Variants in ANKRD26 observed in about 807,000 individuals in gnomAD.
The protein encoded by ANKRD26 is ankyrin repeat domain-containing protein 26.
A neutral mutation model predicts 208.7 loss-of-function variants in ANKRD26; 141 were observed. That is an observed-to-expected ratio of 0.68 (90% CI 0.59 to 0.78). ANKRD26 has a LOEUF of 0.78. Among genes scored for constraint, ANKRD26 ranks in the 30% least tolerant of loss-of-function variants. The probability of loss-of-function intolerance (pLI) is 0.00; values close to 1 mark genes in which losing one functional copy is unlikely to be tolerated. For synonymous variants in ANKRD26, 636 were observed against 660.4 expected, an observed-to-expected ratio of 0.96 and a Z score of 0.57; for missense variants, 1,889 against 1,938.7, an observed-to-expected ratio of 0.97 and a Z score of 0.48.
At chr10:27,085,150 G>T (rs1434880442) in intron 5 of ANKRD26, among the ~76,000 whole-genome samples, 1 of 151,666 alleles carries the variant, frequency 6.6e-6, no homozygotes, top group East Asian at 1.9e-4. Context: ...ACCCAGGCTG[G>T]AGTGCAGTGA....
chr10:27,024,126 C>A (rs934434089), intron 28 of ANKRD26, among the ~76,000 whole-genome samples: 1 of 152,008 alleles, frequency 6.6e-6, no homozygotes, highest in African/African-American at 2.4e-5. Context: ...GGGAAGGACA[C>A]TACCAAAGAG....
At chr10:26,959,808 C>T in the ANKRD26 span, among the ~76,000 whole-genome samples, 1 of 152,070 alleles carries the variant, frequency 6.6e-6, no homozygotes. Context: ...TTCCTCCTGA[C>T]AAACGTTTGT....
the ANKRD26 span, among the ~76,000 whole-genome samples, chr10:26,956,779 G>A: frequency 3.3e-5 from 5 of 152,122 alleles, no homozygotes; most frequent in Non-Finnish European, 5.9e-5. Flanking sequence ...GAGGCCACCA[G>A]GTAAGAGTAG....
At chr10:27,075,838 C>A (rs7911764) in intron 9 of ANKRD26, among the ~76,000 whole-genome samples, 13,747 of 152,132 alleles carry the variant, frequency 0.09, 2,008 homozygotes, top group African/African-American at 0.31. Context: ...CCAAGATAGA[C>A]CATATGATAG....
Position 27,017,709 on chromosome 10 carries a change from C to T in ANKRD26, c.4299G>A (p.Glu1433=), listed in dbSNP as rs201705027. The change falls in exon 30 of 34, where the codon GAG becomes GAA. Residue 1433 remains glutamate (E), a synonymous_variant. Coordinates refer to ENST00000376087, the MANE Select transcript of ANKRD26 (RefSeq NM_014915.3). The part of the protein sequence containing the change: ...LDTKNQILQE[E]LLSMKTVQKK... The stretch of plus-strand genomic sequence containing the variant: ...TTTGTACTGTTTTCATAGATAACAA[C>T]TCCTCTTGAAGAATTTGGTTCTTTG... 3.4e-5 allele frequency: 55 copies of T among 1,613,096 alleles called. No homozygotes were observed. The African/African-American group carries it at 6.8e-4, about 20-fold the overall frequency.
chr10:27,083,063 T>C (rs934224114), intron 5 of ANKRD26, among the ~76,000 whole-genome samples: 2 of 152,112 alleles, frequency 1.3e-5, no homozygotes, highest in East Asian at 1.9e-4. Flanking sequence ...AATTTCCTAC[T>C]CCTCATGTCC....
downstream of ANKRD26, chr10:27,004,026 C>T (rs2052788567): frequency 6.6e-6 from 1 of 151,942 alleles, no homozygotes; most frequent in South Asian, 2.1e-4. Context: ...CTGATTTTGA[C>T]CATTATACTA....
chr10:27,082,679 C>T (rs1459017740), intron 6 of ANKRD26, 124 bp downstream of exon 6: 1 of 1,374,308 alleles, frequency 7.3e-7, no homozygotes, highest in African/African-American at 1.5e-5. Flanking sequence ...AGATACTTTG[C>T]AAAGCTGTTG....
chr10:26,986,417 A>T (rs964241845), intron 3 of ANKRD26, among the ~76,000 whole-genome samples: 11 of 152,254 alleles, frequency 7.2e-5, no homozygotes, highest in African/African-American at 2.6e-4. Flanking sequence ...ACAAAAGACA[A>T]AATTGACAAA....
At chr10:26,952,235 ATGTTTCCC>A in the ANKRD26 span, among the ~76,000 whole-genome samples, 4 of 151,960 alleles carry the variant, frequency 2.6e-5, no homozygotes, top group African/African-American at 9.7e-5. Context: ...ACTGACCTTG[ATGTTTCCC>A]TGTCCTTCTG....
At chr10:26,996,764 A>G (rs1049417015) in intron 4 of ANKRD26, among the ~76,000 whole-genome samples, 2 of 152,214 alleles carry the variant, frequency 1.3e-5, no homozygotes, top group Admixed American at 6.5e-5. Context: ...GACTGTGACC[A>G]TAAGTGGGAG....
intron 31 of ANKRD26, 22 bp downstream of exon 31, chr10:27,014,472 A>G (rs2053223272): frequency 6.7e-7 from 1 of 1,491,240 alleles, no homozygotes; most frequent in Non-Finnish European, 9.3e-7. Context: ...TTTATTTCCT[A>G]TGATTCTATA....
chr10:27,008,451 T>A (rs2134831742), intron 32 of ANKRD26, among the ~76,000 whole-genome samples: 1 of 152,306 alleles, frequency 6.6e-6, no homozygotes, highest in East Asian at 1.9e-4. Context: ...ATATTGCTAT[T>A]CATTAATAAA....
intron 7 of ANKRD26, 98 bp downstream of exon 7, chr10:27,078,991 G>A: frequency 9.8e-6 from 9 of 915,092 alleles, no homozygotes; most frequent in South Asian, 3.2e-5. Flanking sequence ...ATTACAAACA[G>A]AAAACAATGA....
Position 27,046,117 on chromosome 10 carries a change from C to T in ANKRD26, c.1985+236G>A, listed in dbSNP as rs11015479. ...TCAGTTACCACCCATTTACCTATTG[C>T]CTCTCAGTCCAAGTTCTCTCAAACG... On this transcript the variant is annotated intron_variant, in intron 18 of 33. Transcript: ENST00000376087. 0.034 allele frequency: 16,164 copies of T among 471,608 alleles called. 512 individuals are homozygous for T. Among genetic ancestry groups the T allele is most frequent in the East Asian group, 0.1 (2,747 of 27,402 alleles). 29.2% of individuals were successfully genotyped at this position (471,608 alleles called of 1,614,324 possible).
intron 15 of ANKRD26, among the ~76,000 whole-genome samples, chr10:27,056,937 A>G (rs1291736323): frequency 1.3e-5 from 2 of 152,182 alleles, no homozygotes; most frequent in Non-Finnish European, 2.9e-5. Flanking sequence ...ATTCTCTAAT[A>G]GAAACTAAGC....
At chr10:27,091,332 C>T (rs6482595) in intron 4 of ANKRD26, among the ~76,000 whole-genome samples, 111,515 of 152,078 alleles carry the variant, frequency 0.73, 42,582 homozygotes, top group East Asian at 0.99. Flanking sequence ...AATCCAGTCT[C>T]GTGTGAATTT....
At chr10:27,048,073 AC>A (rs2054520497) in intron 17 of ANKRD26, among the ~76,000 whole-genome samples, 2 of 152,116 alleles carry the variant, frequency 1.3e-5, no homozygotes, top group African/African-American at 4.8e-5. Flanking sequence ...AAAAACATGC[AC>A]AAGGATATCA....
chr10:27,032,101 C>G (rs2135148773), intron 25 of ANKRD26, among the ~76,000 whole-genome samples: 1 of 152,326 alleles, frequency 6.6e-6, no homozygotes, highest in East Asian at 1.9e-4. Context: ...GGAAAAAACT[C>G]TCTCAACTTC....
Sources: allele counts gnomAD v4.1 joint callset (sites outside exome capture counted in the v4.1 genomes callset), GRCh38; gene constraint gnomAD v4.1.1; transcripts MANE v1.5; gene names NCBI Gene and HGNC (gene_info 2026-07-23, HGNC 2026-07-21).